Variants in ZNRF1 observed in about 807,000 individuals in gnomAD.
The protein encoded by ZNRF1 is zinc and ring finger 1.
Under a neutral mutation model 18.4 loss-of-function variants are expected in ZNRF1, and 3 were observed. The observed-to-expected ratio is 0.16, with a 90% CI of 0.07 to 0.42. ZNRF1 has a LOEUF of 0.42. Among genes scored for constraint, ZNRF1 ranks in the 10% least tolerant of loss-of-function variants. ZNRF1 has a pLI of 0.99. For missense variants in ZNRF1, 310 were observed against 329.8 expected (o/e 0.94, Z 0.47); for synonymous variants, 157 against 144.2 (o/e 1.09, Z -0.64).
intron 2 of ZNRF1, among the ~76,000 whole-genome samples, chr16:75,096,835 G>A (rs1363681890): frequency 6.6e-6 from 1 of 152,172 alleles, no homozygotes; most frequent in Non-Finnish European, 1.5e-5. Context: ...GCCTCCAGTA[G>A]CTGCCTGCTA....
At chr16:75,045,889 A>G (rs2145367033) in intron 1 of ZNRF1, among the ~76,000 whole-genome samples, 1 of 151,086 alleles carries the variant, frequency 6.6e-6, no homozygotes. Flanking sequence ...TTTAGAATTT[A>G]ATGTTTGCTT....
At chr16:75,060,623 C>T (rs1428572715) in intron 1 of ZNRF1, among the ~76,000 whole-genome samples, 1 of 151,664 alleles carries the variant, frequency 6.6e-6, no homozygotes, top group African/African-American at 2.4e-5. Flanking sequence ...ATTACAGGCA[C>T]ACACCACCCT....
chr16:75,003,458 A>G (rs1349888455), intron 1 of ZNRF1, among the ~76,000 whole-genome samples: 2 of 152,178 alleles, frequency 1.3e-5, no homozygotes, highest in Non-Finnish European at 2.9e-5. Context: ...TCACTTAATC[A>G]TCACTCTGAC....
At chr16:75,097,596 G>A (rs2036214112) in intron 2 of ZNRF1, among the ~76,000 whole-genome samples, 1 of 152,190 alleles carries the variant, frequency 6.6e-6, no homozygotes, top group Non-Finnish European at 1.5e-5. Context: ...GGGGAACCGA[G>A]ATTGCTTGAG....
intron 1 of ZNRF1, among the ~76,000 whole-genome samples, chr16:75,060,793 A>G (rs188913051): frequency 2.3e-4 from 35 of 152,130 alleles, no homozygotes; most frequent in East Asian, 9.7e-4. Flanking sequence ...CTTGGATTTT[A>G]ATCTTGGCCG....
chr16:75,040,687 A>G (rs2035436185), intron 1 of ZNRF1, among the ~76,000 whole-genome samples: 1 of 137,450 alleles, frequency 7.3e-6, no homozygotes, highest in Non-Finnish European at 1.5e-5. Flanking sequence ...GCTCACTGCA[A>G]CCTCTGCCTC....
At chr16:75,103,877 C>G (rs376909513) in intron 2 of ZNRF1, among the ~76,000 whole-genome samples, 1 of 151,918 alleles carries the variant, frequency 6.6e-6, no homozygotes, top group Non-Finnish European at 1.5e-5. Flanking sequence ...CCTAGCTACT[C>G]GGGAGGCTGA....
chr16:75,077,487 G>A (rs956760560), intron 1 of ZNRF1, among the ~76,000 whole-genome samples: 6 of 152,132 alleles, frequency 3.9e-5, no homozygotes, highest in South Asian at 4.1e-4. Flanking sequence ...AGCCAAGACC[G>A]CACCACTGCA....
intron 1 of ZNRF1, among the ~76,000 whole-genome samples, chr16:75,047,617 C>T (rs1597878808): frequency 9.6e-6 from 1 of 103,920 alleles, no homozygotes. Flanking sequence ...GTAGATCTTG[C>T]GTCTAGCAAC....
chr16:75,069,089 T>A (rs2035838542), intron 1 of ZNRF1, among the ~76,000 whole-genome samples: 2 of 151,954 alleles, frequency 1.3e-5, no homozygotes, highest in Non-Finnish European at 2.9e-5. Context: ...GTGAACAGCG[T>A]TAATTGGCTC....
chr16:75,010,557 G>GTC (rs1344659128), intron 1 of ZNRF1, among the ~76,000 whole-genome samples: 1 of 151,992 alleles, frequency 6.6e-6, no homozygotes, highest in Admixed American at 6.6e-5. Context: ...GGTATGTATG[G>GTC]TCTCTCATCT....
At chr16:75,042,511 C>T (rs554320356) in intron 1 of ZNRF1, among the ~76,000 whole-genome samples, 1 of 147,936 alleles carries the variant, frequency 6.8e-6, no homozygotes, top group African/African-American at 2.5e-5. Flanking sequence ...TTGAAAAGAC[C>T]ATCCTTTCTT....
At chr16:75,079,333 C>G (rs559183768) in intron 1 of ZNRF1, among the ~76,000 whole-genome samples, 4 of 152,138 alleles carry the variant, frequency 2.6e-5, no homozygotes, top group African/African-American at 9.6e-5. Flanking sequence ...TACAAAAATT[C>G]GCTGGGCATG....
chr16:75,091,358 C>A (rs536376780), intron 1 of ZNRF1, among the ~76,000 whole-genome samples: 62 of 133,338 alleles, frequency 4.6e-4, no homozygotes, highest in Non-Finnish European at 4.9e-4. Context: ...GACTCCATCT[C>A]AAAAAAAAAA....
chr16:75,059,098 G>A (rs2035705557), intron 1 of ZNRF1, among the ~76,000 whole-genome samples: 1 of 152,122 alleles, frequency 6.6e-6, no homozygotes, highest in African/African-American at 2.4e-5. Context: ...CCAACCATCC[G>A]GACTGTTTTG....
chr16:75,095,797 CATG>C, intron 2 of ZNRF1: 3 of 1,455,114 alleles, frequency 2.1e-6, no homozygotes, highest in East Asian at 2.5e-5. Flanking sequence ...GGGACGCCAC[CATG>C]TGTCCCCCTG....
At chr16:75,058,190 C>T (rs2035692504) in intron 1 of ZNRF1, among the ~76,000 whole-genome samples, 1 of 147,642 alleles carries the variant, frequency 6.8e-6, no homozygotes, top group African/African-American at 2.5e-5. Context: ...CCAGGCTGAT[C>T]TCGAACTCCT....
In ZNRF1 at chr16:75,110,654, T is replaced by C. The variant is rs1393928658; in HGVS notation, c.*2954T>C. ...GTATTTCAGTGAACAGTGTACTTGT[T>C]CTTTCAACTTTTCTGTATGTTTGGA... On this transcript the variant is annotated 3_prime_UTR_variant, in exon 5 of 5. Coordinates refer to ENST00000335325, the MANE Select transcript of ZNRF1 (RefSeq NM_032268.5). 6.6e-6 allele frequency: 1 copy of C among 152,254 alleles called. No individual in the cohort carries two copies. The highest frequency in any genetic ancestry group is 1.5e-5 in the Non-Finnish European group (1 of 68,050). 9.4% of individuals were successfully genotyped at this position (152,254 alleles called of 1,614,324 possible).
At chr16:75,099,031 C>T (rs921820499) in intron 2 of ZNRF1, among the ~76,000 whole-genome samples, 2 of 152,144 alleles carry the variant, frequency 1.3e-5, no homozygotes, top group Non-Finnish European at 2.9e-5. Flanking sequence ...GTCCTCTGCA[C>T]ACACTTCACA....
Sources: gnomAD v4.1 joint callset for allele counts (sites outside exome capture counted in the v4.1 genomes callset) on GRCh38, gnomAD v4.1.1 for gene constraint, MANE v1.5 for transcripts, NCBI Gene and HGNC (gene_info 2026-07-23, HGNC 2026-07-21) for gene names.